The following TEX9 variants were observed in gnomAD, a reference collection of about 807,000 sequenced individuals.
TEX9 encodes testis-expressed protein 9.
A neutral mutation model predicts 59.6 loss-of-function variants in TEX9; 74 were observed. The ratio of observed to expected loss-of-function variants is 1.24; its 90% CI spans 1.03 to 1.51. TEX9 has a LOEUF of 1.51. TEX9 is among the 40% of genes most tolerant of loss of function. The probability of loss-of-function intolerance (pLI) is 0.00; values close to 1 mark genes in which losing one functional copy is unlikely to be tolerated. For missense variants in TEX9, 522 were observed against 447.8 expected (o/e 1.17, Z -1.49); for synonymous variants, 186 against 152.2 (o/e 1.22, Z -1.64).
exon 5 of TEX9, chr15:56,388,495 T>C (rs772291754): frequency 7.4e-6 from 12 of 1,611,666 alleles, no homozygotes; most frequent in South Asian, 1.1e-5. Context: ...TCTGAAGGGA[T>C]AGTTCATCTT....
chr15:56,306,257 C>CAAAAAAAAAAAAAAAAAAA (rs55882329), intron 1 of TEX9, among the ~76,000 whole-genome samples: 6 of 79,434 alleles, frequency 7.6e-5, no homozygotes, highest in Admixed American at 3.6e-4. Flanking sequence ...AGGTACATAG[C>CAAAAAAAAAAAAAAAAAAA]AAAAAAAAAA....
chr15:56,429,212 G>A (rs547066233), intron 12 of TEX9: 2 of 1,507,796 alleles, frequency 1.3e-6, no homozygotes, highest in Non-Finnish European at 1.8e-6. Flanking sequence ...AAAATACTTT[G>A]TGGGTTACTT....
At chr15:56,365,312 T>A (rs1596119380), upstream of TEX9, 6 of 1,187,950 alleles carry the variant, frequency 5.1e-6, no homozygotes, top group East Asian at 1.3e-4. Flanking sequence ...CCGAGCCCGC[T>A]GCCAGAGGCT....
intron 1 of TEX9, among the ~76,000 whole-genome samples, chr15:56,265,992 T>C (rs1274950074): frequency 6.6e-6 from 1 of 152,202 alleles, no homozygotes; most frequent in Non-Finnish European, 1.5e-5. Flanking sequence ...CCACCAACCA[T>C]AATTTTGGAC....
chr15:56,323,919 T>G (rs2045961661), intron 1 of TEX9, among the ~76,000 whole-genome samples: 1 of 152,152 alleles, frequency 6.6e-6, no homozygotes, highest in Non-Finnish European at 1.5e-5. Context: ...TAAGGTTTGT[T>G]TTTAAACTGT....
intron 9 of TEX9, among the ~76,000 whole-genome samples, chr15:56,402,659 C>T (rs1235679941): frequency 6.6e-6 from 1 of 152,170 alleles, no homozygotes; most frequent in Admixed American, 6.5e-5. Flanking sequence ...CATCCTGATA[C>T]CAAAGCCTGG....
chr15:56,440,939 C>G (rs1422296157), intron 12 of TEX9, among the ~76,000 whole-genome samples: 7 of 152,048 alleles, frequency 4.6e-5, no homozygotes, highest in Admixed American at 2.0e-4. Flanking sequence ...GTGAATAATG[C>G]TGCATAAACA....
At chr15:56,269,905 C>G (rs2044484848) in intron 1 of TEX9, among the ~76,000 whole-genome samples, 1 of 152,132 alleles carries the variant, frequency 6.6e-6, no homozygotes, top group African/African-American at 2.4e-5. Flanking sequence ...ATCCGCCCAC[C>G]TCGGCCTCCC....
chr15:56,446,813 A>C, downstream of TEX9: 1 of 1,525,464 alleles, frequency 6.6e-7, no homozygotes. Context: ...AATGAAGCTA[A>C]AAACATAATG....
At chr15:56,453,649 A>C in the TEX9 span, among the ~76,000 whole-genome samples, 11 of 152,180 alleles carry the variant, frequency 7.2e-5, no homozygotes, top group African/African-American at 2.7e-4. Context: ...TGGGCAATTA[A>C]TTATAACTAC....
chr15:56,288,608 G>A (rs1232690978), intron 1 of TEX9, among the ~76,000 whole-genome samples: 2 of 150,636 alleles, frequency 1.3e-5, no homozygotes, highest in Non-Finnish European at 3.0e-5. Flanking sequence ...CCCATTGCTA[G>A]CCTTTTCAGA....
chr15:56,327,674 G>A (rs527478167), intron 1 of TEX9, among the ~76,000 whole-genome samples: 1 of 152,216 alleles, frequency 6.6e-6, no homozygotes, highest in African/African-American at 2.4e-5. Context: ...TGGTGCAGAA[G>A]GAGAATCTGT....
chr15:56,402,910 A>G (rs1054636746), intron 9 of TEX9, among the ~76,000 whole-genome samples: 1 of 152,240 alleles, frequency 6.6e-6, no homozygotes, highest in Non-Finnish European at 1.5e-5. Flanking sequence ...TAGATGCAGA[A>G]AAGGCCTTTG....
chr15:56,316,285 T>A (rs1396437440), intron 1 of TEX9, among the ~76,000 whole-genome samples: 1 of 151,996 alleles, frequency 6.6e-6, no homozygotes, highest in African/African-American at 2.4e-5. Flanking sequence ...TGTGGTTTTA[T>A]CTACTTTTCG....
At chr15:56,274,490 G>A (rs1390354212) in intron 1 of TEX9, 1 of 152,018 alleles carries the variant, frequency 6.6e-6, no homozygotes, top group Admixed American at 6.6e-5. Flanking sequence ...TTTTGACAGT[G>A]AGTTCATTTT....
intron 12 of TEX9, chr15:56,443,617 A>G: frequency 6.2e-7 from 1 of 1,605,186 alleles, no homozygotes; most frequent in South Asian, 1.1e-5. Context: ...ACTAGTGTTA[A>G]AGAAGTGGTT....
At chr15:56,377,655 C>T (rs767427381) in intron 3 of TEX9, among the ~76,000 whole-genome samples, 2 of 151,970 alleles carry the variant, frequency 1.3e-5, no homozygotes, top group Non-Finnish European at 2.9e-5. Context: ...TAGGTTTTTC[C>T]AAATATAAGA....
chr15:56,389,546 C>G (rs2048112181), intron 6 of TEX9, 146 bp downstream of exon 6: 2 of 584,110 alleles, frequency 3.4e-6, no homozygotes, highest in Admixed American at 3.5e-5. Flanking sequence ...TATCCACATT[C>G]AGTAATTTAG....
chr15:56,363,220 T>C (rs1442758462), upstream of TEX9, among the ~76,000 whole-genome samples: 2 of 152,124 alleles, frequency 1.3e-5, no homozygotes, highest in Non-Finnish European at 2.9e-5. Context: ...TAACAGTTTA[T>C]GAGGGTTCAA....
Sources: gnomAD v4.1 joint callset for allele counts (sites outside exome capture counted in the v4.1 genomes callset) on GRCh38, gnomAD v4.1.1 for gene constraint, MANE v1.5 for transcripts, NCBI Gene and HGNC (gene_info 2026-07-23, HGNC 2026-07-21) for gene names.